The following FLI1 variants were observed in gnomAD, a reference collection of about 807,000 sequenced individuals.
FLI1 encodes the protein Friend leukemia integration 1 transcription factor.
Under a neutral mutation model 53.1 loss-of-function variants are expected in FLI1, and 13 were observed. That is an observed-to-expected ratio of 0.24 (90% CI 0.16 to 0.39). The LOEUF is 0.39. Ranked by LOEUF, FLI1 falls within the 10% of genes least tolerant of loss-of-function variation. The pLI, the probability that FLI1 is intolerant of heterozygous loss-of-function variation, is 1.00. For synonymous variants in FLI1, 244 were observed against 236.7 expected (o/e 1.03, Z -0.28); for missense variants, 424 against 600.5 (o/e 0.71, Z 3.07).
At chr11:128,754,797 G>A (rs1381299109) in intron 1 of FLI1, among the ~76,000 whole-genome samples, 1 of 152,252 alleles carries the variant, frequency 6.6e-6, no homozygotes, top group African/African-American at 2.4e-5. Context: ...AAGAGTCTCA[G>A]AGAGAAATGC....
chr11:128,739,697 G>T (rs1301446001), intron 1 of FLI1, among the ~76,000 whole-genome samples: 1 of 151,846 alleles, frequency 6.6e-6, no homozygotes. Flanking sequence ...TGCCACACAG[G>T]TTATTCTCAA....
Position 128,767,334 on chromosome 11 carries a change from A to G in FLI1, c.231-784A>G, listed in dbSNP as rs114981864. Among the ~76,000 whole-genome samples the G allele has an allele frequency of 2.8e-3, 425 of 152,314 alleles. 2 individuals are homozygous for G. Among genetic ancestry groups the G allele is most frequent in the African/African-American group, 9.5e-3 (394 of 41,574 alleles). ...CATCAGGTGGAAGTTCCTGGACTCCATTCCTTCTCCAAGTAGCAACCAGCT... is the reference window on the plus strand; with the variant it reads ...CATCAGGTGGAAGTTCCTGGACTCCGTTCCTTCTCCAAGTAGCAACCAGCT... On this transcript the variant is annotated intron_variant, in intron 2 of 8. Coordinates refer to ENST00000527786, the MANE Select transcript of FLI1 (RefSeq NM_002017.5).
intron 1 of FLI1, among the ~76,000 whole-genome samples, chr11:128,749,798 T>C (rs73573717): frequency 0.021 from 3,201 of 152,324 alleles, 104 homozygotes; most frequent in African/African-American, 0.069. Context: ...TCCTCTTCCC[T>C]TTTCCCTCCC....
chr11:128,721,193 T>C (rs1291147766), intron 1 of FLI1, among the ~76,000 whole-genome samples: 1 of 152,212 alleles, frequency 6.6e-6, no homozygotes, highest in East Asian at 1.9e-4. Flanking sequence ...ACAGCTGGAA[T>C]GGTCAAGCCC....
intron 2 of FLI1, chr11:128,764,960 C>A: frequency 1.0e-6 from 1 of 961,786 alleles, no homozygotes; most frequent in Non-Finnish European, 1.6e-6. Flanking sequence ...GGACCGAGGA[C>A]AGGGCCATTT....
chr11:128,796,530 C>A (rs922699406), intron 5 of FLI1, among the ~76,000 whole-genome samples: 2 of 152,208 alleles, frequency 1.3e-5, no homozygotes, highest in African/African-American at 4.8e-5. Flanking sequence ...TAAAAAGGAG[C>A]CTCTGATGCT....
intron 5 of FLI1, among the ~76,000 whole-genome samples, chr11:128,788,307 T>A (rs562619952): frequency 6.6e-6 from 1 of 151,806 alleles, no homozygotes; most frequent in Non-Finnish European, 1.5e-5. Flanking sequence ...CCGTCTCTAC[T>A]AAAAATAAAA....
intron 1 of FLI1, among the ~76,000 whole-genome samples, chr11:128,749,875 G>A (rs1940565989): frequency 6.6e-6 from 1 of 152,180 alleles, no homozygotes; most frequent in Admixed American, 6.6e-5. Flanking sequence ...AGAAGCAAAA[G>A]GCTTGGCCTT....
At chr11:128,688,417 G>A (rs1004205569) in intron 1 of FLI1, among the ~76,000 whole-genome samples, 1 of 152,232 alleles carries the variant, frequency 6.6e-6, no homozygotes, top group African/African-American at 2.4e-5. Context: ...GCGGCGAAAG[G>A]TCTGCGTGGC....
At chr11:128,783,009 G>A (rs1941968716) in intron 5 of FLI1, among the ~76,000 whole-genome samples, 1 of 152,204 alleles carries the variant, frequency 6.6e-6, no homozygotes, top group Non-Finnish European at 1.5e-5. Context: ...GCGCGGCATA[G>A]CAAAAATTCC....
At chr11:128,799,052 A>ATTATTATTATTATTT (rs1555125698) in intron 5 of FLI1, among the ~76,000 whole-genome samples, 2 of 140,444 alleles carry the variant, frequency 1.4e-5, no homozygotes, top group Non-Finnish European at 3.1e-5. Flanking sequence ...TATTATTATT[A>ATTATTATTATTATTT]TTTTGCTTTG....
At chr11:128,722,947 A>C (rs1480204577) in intron 1 of FLI1, among the ~76,000 whole-genome samples, 2 of 152,124 alleles carry the variant, frequency 1.3e-5, no homozygotes, top group South Asian at 2.1e-4. Context: ...GTGAATGCTT[A>C]TCTCTCACAG....
intron 8 of FLI1, 91 bp downstream of exon 8, chr11:128,809,295 T>C: frequency 9.3e-7 from 1 of 1,072,266 alleles, no homozygotes; most frequent in Non-Finnish European, 1.4e-6. Flanking sequence ...TCCAGACACC[T>C]GAGTGGGGAG....
At chr11:128,700,309 A>G (rs1032818776) in intron 1 of FLI1, among the ~76,000 whole-genome samples, 4 of 152,200 alleles carry the variant, frequency 2.6e-5, no homozygotes, top group Non-Finnish European at 5.9e-5. Flanking sequence ...GCCCAAGAGT[A>G]TAACTAACAG....
chr11:128,753,518 A>G (rs1940733739), intron 1 of FLI1, among the ~76,000 whole-genome samples: 1 of 152,270 alleles, frequency 6.6e-6, no homozygotes, highest in East Asian at 1.9e-4. Flanking sequence ...CTATCACCTC[A>G]GTTAAGTACT....
chr11:128,809,050 C>G (rs1942863979), intron 7 of FLI1, 107 bp from the exon 8 acceptor site: 1 of 818,854 alleles, frequency 1.2e-6, no homozygotes, highest in Non-Finnish European at 1.9e-6. Flanking sequence ...TCAGTCTTTC[C>G]TGTGATCTTG....
chr11:128,707,822 G>A (rs1389574776), intron 1 of FLI1, among the ~76,000 whole-genome samples: 2 of 152,186 alleles, frequency 1.3e-5, no homozygotes, highest in Admixed American at 1.3e-4. Context: ...AACCCTGTGT[G>A]TATTTCATGG....
intron 3 of FLI1, 127 bp from the exon 4 acceptor site, chr11:128,772,655 A>G: frequency 1.3e-6 from 1 of 762,154 alleles, no homozygotes; most frequent in South Asian, 1.6e-5. Flanking sequence ...AACCATGTGG[A>G]AGGGAGCTCT....
At chr11:128,686,094 G>A (rs1232314828), upstream of FLI1, 1 of 326,690 alleles carries the variant, frequency 3.1e-6, no homozygotes, top group African/African-American at 2.2e-5. Flanking sequence ...GCCACCAGCA[G>A]GGAAGAGCAG....
Sources: allele counts gnomAD v4.1 joint callset (sites outside exome capture counted in the v4.1 genomes callset), GRCh38; gene constraint gnomAD v4.1.1; transcripts MANE v1.5; gene names NCBI Gene and HGNC (gene_info 2026-07-23, HGNC 2026-07-21).